The following SETBP1 variants were observed in gnomAD, a reference collection of about 807,000 sequenced individuals.
SETBP1 encodes the protein SET binding protein 1, also known as SET-binding protein.
In SETBP1, 9 loss-of-function variants were observed where a neutral mutation model predicts 101.0. The ratio of observed to expected loss-of-function variants is 0.09; its 90% CI spans 0.05 to 0.16. SETBP1 has a LOEUF of 0.16. Ranked by LOEUF, SETBP1 falls within the 10% of genes least tolerant of loss-of-function variation. SETBP1 has a pLI of 1.00. For missense variants in SETBP1, 1,858 were observed against 2,033.8 expected (o/e 0.91, Z 1.66); for synonymous variants, 818 against 788.5 (o/e 1.04, Z -0.63).
At chr18:44,840,585 C>T (rs546067215) in intron 2 of SETBP1, among the ~76,000 whole-genome samples, 2 of 152,194 alleles carry the variant, frequency 1.3e-5, no homozygotes, top group African/African-American at 2.4e-5. Flanking sequence ...CCAGATTTCA[C>T]CAGCTGGAGT....
At chr18:45,018,725 T>G (rs2072998723) in intron 4 of SETBP1, among the ~76,000 whole-genome samples, 1 of 152,226 alleles carries the variant, frequency 6.6e-6, no homozygotes, top group Non-Finnish European at 1.5e-5. Context: ...TAAGTTAATT[T>G]TTCTGCTCAA....
intron 3 of SETBP1, among the ~76,000 whole-genome samples, chr18:44,894,394 G>GCTGGCTAAATT (rs1411190390): frequency 9.2e-5 from 14 of 151,852 alleles, no homozygotes; most frequent in Non-Finnish European, 1.8e-4. Flanking sequence ...CATCTTACTT[G>GCTGGCTAAATT]GATCATTTTT....
intron 4 of SETBP1, among the ~76,000 whole-genome samples, chr18:44,956,452 T>G (rs572659115): frequency 6.6e-6 from 1 of 151,844 alleles, no homozygotes; most frequent in South Asian, 2.1e-4. Flanking sequence ...TTTATCTGAG[T>G]GGAGGTGTCT....
chr18:44,832,004 G>C (rs535921107), intron 2 of SETBP1, among the ~76,000 whole-genome samples: 12 of 152,154 alleles, frequency 7.9e-5, no homozygotes, highest in African/African-American at 2.9e-4. Flanking sequence ...GCACAAAATT[G>C]GTATTCAATA....
At chr18:44,965,214 C>T (rs1318721963) in intron 4 of SETBP1, among the ~76,000 whole-genome samples, 1 of 151,376 alleles carries the variant, frequency 6.6e-6, no homozygotes, top group East Asian at 2.0e-4. Context: ...ATGTAATCAG[C>T]CAGTTTCTTT....
intron 4 of SETBP1, among the ~76,000 whole-genome samples, chr18:44,982,507 T>C (rs1330640884): frequency 6.6e-6 from 1 of 152,230 alleles, no homozygotes; most frequent in East Asian, 1.9e-4. Flanking sequence ...GAGTTTGTCA[T>C]GAGTTGTTGA....
intron 3 of SETBP1, among the ~76,000 whole-genome samples, chr18:44,907,565 G>A (rs2070203917): frequency 6.6e-6 from 1 of 152,116 alleles, no homozygotes; most frequent in South Asian, 2.1e-4. Flanking sequence ...GTATGAAGTG[G>A]CATCGCATTG....
At chr18:44,993,611 G>A (rs1376342429) in intron 4 of SETBP1, among the ~76,000 whole-genome samples, 1 of 151,888 alleles carries the variant, frequency 6.6e-6, no homozygotes, top group African/African-American at 2.4e-5. Context: ...TCTTATTGAA[G>A]TTTATTAAAA....
chr18:44,909,804 G>A (rs908645565), intron 3 of SETBP1, among the ~76,000 whole-genome samples: 11 of 152,138 alleles, frequency 7.2e-5, no homozygotes, highest in Admixed American at 2.6e-4. Flanking sequence ...GGATTGATCC[G>A]AGACGTACCA....
chr18:44,817,421 C>T (rs892698044), intron 2 of SETBP1, among the ~76,000 whole-genome samples: 1 of 152,128 alleles, frequency 6.6e-6, no homozygotes, highest in African/African-American at 2.4e-5. Context: ...AGAGGTGGCT[C>T]ACCCCTGTAA....
intron 2 of SETBP1, among the ~76,000 whole-genome samples, chr18:44,723,668 C>G (rs2069649187): frequency 6.6e-6 from 1 of 152,160 alleles, no homozygotes; most frequent in Non-Finnish European, 1.5e-5. Context: ...TTGAACCTTC[C>G]TGAACCTACC....
chr18:44,773,183 CAT>C (rs1415899755), intron 2 of SETBP1, among the ~76,000 whole-genome samples: 1 of 152,134 alleles, frequency 6.6e-6, no homozygotes. Flanking sequence ...ATAGACAGTC[CAT>C]AGAGGAAGCA....
intron 1 of SETBP1, among the ~76,000 whole-genome samples, chr18:44,697,985 G>A (rs762825301): frequency 2.6e-5 from 4 of 152,232 alleles, no homozygotes; most frequent in Non-Finnish European, 5.9e-5. Flanking sequence ...AAAAAATACA[G>A]AAAGAACTAT....
At chr18:44,932,138 G>T (rs867752236) in intron 3 of SETBP1, among the ~76,000 whole-genome samples, 62 of 152,278 alleles carry the variant, frequency 4.1e-4, no homozygotes, top group African/African-American at 1.3e-3. Context: ...AGGCCTGGTG[G>T]TGACAAAATC....
At chr18:44,871,036 GCTCGCTC>G (rs1207042683) in intron 3 of SETBP1, 1 of 152,228 alleles carries the variant, frequency 6.6e-6, no homozygotes, top group African/African-American at 2.4e-5. Flanking sequence ...AGTGCAGATG[GCTCGCTC>G]CTCTGGTTCT....
rs565719141 is a variant in SETBP1, at chr18:44,911,171, T to C, written c.541-38710T>C. On this transcript the variant is annotated intron_variant, in intron 3 of 5. Coordinates refer to ENST00000649279, the MANE Select transcript of SETBP1 (RefSeq NM_015559.3). The stretch of plus-strand genomic sequence containing the variant: ...AAAATGTTGTATCTGTGATGAGTCA[T>C]CTTGGTCTAATATGATTACCCTCAT... 3.9e-5 allele frequency among the ~76,000 whole-genome samples: 6 copies of C among 152,298 alleles called. No individual in the cohort carries two copies. The East Asian group carries it at 9.6e-4, about 24-fold the overall frequency.
intron 2 of SETBP1, among the ~76,000 whole-genome samples, chr18:44,779,796 T>C (rs2071085163): frequency 6.6e-6 from 1 of 152,174 alleles, no homozygotes; most frequent in Non-Finnish European, 1.5e-5. Context: ...CCCTCTGCTC[T>C]GCTGCATCAA....
At chr18:44,875,247 G>A (rs1466317726) in intron 3 of SETBP1, among the ~76,000 whole-genome samples, 1 of 152,134 alleles carries the variant, frequency 6.6e-6, no homozygotes, top group Non-Finnish European at 1.5e-5. Context: ...TGGGCCGGGT[G>A]CGGTGGCTCT....
chr18:44,777,273 A>G (rs1192031947), intron 2 of SETBP1, among the ~76,000 whole-genome samples: 1 of 152,218 alleles, frequency 6.6e-6, no homozygotes, highest in Non-Finnish European at 1.5e-5. Flanking sequence ...TCAACATAGC[A>G]TAACTCCATC....
Sources: allele counts gnomAD v4.1 joint callset (sites outside exome capture counted in the v4.1 genomes callset), GRCh38; gene constraint gnomAD v4.1.1; transcripts MANE v1.5; gene names NCBI Gene and HGNC (gene_info 2026-07-23, HGNC 2026-07-21).